Variants in CDH8 observed in about 807,000 individuals in gnomAD.
CDH8 encodes the protein cadherin-8.
CDH8 carries 17 observed loss-of-function variants against 68.1 expected under a neutral mutation model. The observed-to-expected ratio is 0.25, with a 90% CI of 0.17 to 0.37. CDH8 has a LOEUF of 0.37. CDH8 is among the 10% of genes least tolerant of loss of function. The pLI is 1.00. For synonymous variants in CDH8, 372 were observed against 365.1 expected, an observed-to-expected ratio of 1.02 and a Z score of -0.21; for missense variants, 763 against 999.3, an observed-to-expected ratio of 0.76 and a Z score of 3.19.
At chr16:61,879,431 A>G (rs139601944) in intron 3 of CDH8, among the ~76,000 whole-genome samples, 146 of 152,344 alleles carry the variant, frequency 9.6e-4, no homozygotes, top group Middle Eastern at 3.4e-3. Flanking sequence ...TTCAGGAATC[A>G]GCAGCCTTGC....
intron 3 of CDH8, among the ~76,000 whole-genome samples, chr16:61,897,055 CAT>C (rs1219371393): frequency 6.8e-6 from 1 of 148,112 alleles, no homozygotes; most frequent in African/African-American, 2.5e-5. Flanking sequence ...ATATATAATA[CAT>C]ATATATCTTT....
intron 8 of CDH8, among the ~76,000 whole-genome samples, chr16:61,732,334 A>C (rs1219579865): frequency 6.6e-6 from 1 of 151,830 alleles, no homozygotes; most frequent in Non-Finnish European, 1.5e-5. Context: ...TAAAAGCCAA[A>C]AACAAGAACA....
At chr16:61,923,724 G>GAT (rs371820502) in intron 2 of CDH8, among the ~76,000 whole-genome samples, 14,403 of 142,128 alleles carry the variant, frequency 0.1, 944 homozygotes, top group East Asian at 0.29. Context: ...ATGGCTAGAG[G>GAT]ATATATATAT....
intron 8 of CDH8, among the ~76,000 whole-genome samples, chr16:61,761,569 A>G (rs1329291876): frequency 6.6e-6 from 1 of 152,188 alleles, no homozygotes; most frequent in Non-Finnish European, 1.5e-5. Flanking sequence ...ATCACCTGGG[A>G]AGCTTCAAAA....
intron 11 of CDH8, among the ~76,000 whole-genome samples, chr16:61,655,154 A>G (rs1963413558): frequency 6.6e-6 from 1 of 152,140 alleles, no homozygotes; most frequent in Non-Finnish European, 1.5e-5. Context: ...TCACACCCAG[A>G]GTTCTTCTTA....
chr16:61,713,790 C>T, intron 10 of CDH8, 51 bp downstream of exon 10: 1 of 949,844 alleles, frequency 1.1e-6, no homozygotes, highest in Non-Finnish European at 1.7e-6. Flanking sequence ...GAAATTGCAT[C>T]CTATTTTCCA....
intron 5 of CDH8, among the ~76,000 whole-genome samples, chr16:61,822,205 CTTTTTTTTTTTTTTTTTTTTTTT>C (rs71707137): frequency 2.4e-4 from 11 of 45,648 alleles, no homozygotes; most frequent in East Asian, 1.6e-3. Flanking sequence ...AAAAACGCAC[CTTTTTTTTTTTTTTTTTTTTTTT>C]TTTTTTTTTT....
At chr16:61,733,663 T>G (rs1959598707) in intron 8 of CDH8, among the ~76,000 whole-genome samples, 1 of 151,970 alleles carries the variant, frequency 6.6e-6, no homozygotes, top group Non-Finnish European at 1.5e-5. Context: ...GTCTTGCTTT[T>G]GCCAGTGCCC....
At chr16:61,923,172 G>C (rs977090308) in intron 2 of CDH8, among the ~76,000 whole-genome samples, 2 of 152,064 alleles carry the variant, frequency 1.3e-5, no homozygotes, top group African/African-American at 2.4e-5. Context: ...CTTATACGTT[G>C]CTTCATTTGA....
intron 8 of CDH8, among the ~76,000 whole-genome samples, chr16:61,774,866 G>A: frequency 6.6e-6 from 1 of 152,120 alleles, no homozygotes; most frequent in African/African-American, 2.4e-5. Flanking sequence ...GTACAACAAA[G>A]TGAGGACTTA....
chr16:61,822,262 GTCTC>G (rs1354522529), intron 5 of CDH8, among the ~76,000 whole-genome samples: 2 of 75,582 alleles, frequency 2.6e-5, no homozygotes, highest in Non-Finnish European at 4.8e-5. Context: ...TTCTCTCTCT[GTCTC>G]TCTCTCTCCT....
At chr16:61,684,509 A>G (rs552974088) in intron 10 of CDH8, among the ~76,000 whole-genome samples, 11 of 152,118 alleles carry the variant, frequency 7.2e-5, no homozygotes, top group African/African-American at 2.6e-4. Flanking sequence ...AATCAAACAC[A>G]TATTTCATTA....
chr16:61,868,809 T>C (rs1442260780), intron 3 of CDH8, among the ~76,000 whole-genome samples: 1 of 152,132 alleles, frequency 6.6e-6, no homozygotes, highest in African/African-American at 2.4e-5. Flanking sequence ...TTAAAAAATG[T>C]ATTGAAAACT....
chr16:61,909,105 A>AT (rs1964115888), intron 2 of CDH8, among the ~76,000 whole-genome samples: 1 of 152,124 alleles, frequency 6.6e-6, no homozygotes, highest in African/African-American at 2.4e-5. Flanking sequence ...GAAAAAAAAA[A>AT]GAAAGAAAAA....
At chr16:61,978,557 A>T (rs1254745746) in intron 2 of CDH8, among the ~76,000 whole-genome samples, 1 of 152,114 alleles carries the variant, frequency 6.6e-6, no homozygotes, top group African/African-American at 2.4e-5. Context: ...CCTTCATGGT[A>T]AATTTAAGAG....
At chr16:61,868,536 A>G (rs188701348) in intron 3 of CDH8, among the ~76,000 whole-genome samples, 17 of 152,306 alleles carry the variant, frequency 1.1e-4, no homozygotes, top group Non-Finnish European at 1.5e-4. Flanking sequence ...CAGTCCCAAC[A>G]TAAGCCAGAA....
intron 9 of CDH8, among the ~76,000 whole-genome samples, chr16:61,719,388 T>C (rs139275571): frequency 5.3e-5 from 8 of 151,228 alleles, no homozygotes; most frequent in African/African-American, 1.9e-4. Context: ...TGAAACTAAA[T>C]TGAAGTAAAC....
chr16:61,753,510 G>T (rs537740652), intron 8 of CDH8, among the ~76,000 whole-genome samples: 1 of 152,222 alleles, frequency 6.6e-6, no homozygotes, highest in South Asian at 2.1e-4. Flanking sequence ...AAAGTGCTCG[G>T]ATTATAGGCA....
intron 2 of CDH8, among the ~76,000 whole-genome samples, chr16:61,929,970 T>G (rs1385180505): frequency 1.3e-5 from 2 of 152,112 alleles, no homozygotes; most frequent in African/African-American, 2.4e-5. Context: ...CAATATTAAA[T>G]AAAGTATAGT....
Sources: gnomAD v4.1 joint callset for allele counts (sites outside exome capture counted in the v4.1 genomes callset) on GRCh38, gnomAD v4.1.1 for gene constraint, MANE v1.5 for transcripts, NCBI Gene and HGNC (gene_info 2026-07-23, HGNC 2026-07-21) for gene names.